PTPRN2: variants seen among roughly 807,000 people sequenced by gnomAD.
PTPRN2 encodes protein tyrosine phosphatase receptor type N2, also known as receptor-type tyrosine-protein phosphatase N2.
PTPRN2 carries 74 observed loss-of-function variants against 118.8 expected under a neutral mutation model. That is an observed-to-expected ratio of 0.62 (90% CI 0.52 to 0.76). The LOEUF (loss-of-function observed/expected upper bound fraction) is 0.76. PTPRN2 is among the 30% of genes least tolerant of loss of function. The pLI, the probability that PTPRN2 is intolerant of heterozygous loss-of-function variation, is 0.00. For missense variants in PTPRN2, 1,481 were observed against 1,394.4 expected, an observed-to-expected ratio of 1.06 and a Z score of -0.99; for synonymous variants, 641 against 608.0, an observed-to-expected ratio of 1.05 and a Z score of -0.80.
chr7:158,544,481 C>CA lies in PTPRN2; in HGVS notation c.112+43076dup, dbSNP rs965221775. On this transcript the variant is annotated intron_variant, in intron 1 of 22. Coordinates refer to ENST00000389418, the MANE Select transcript of PTPRN2 (RefSeq NM_002847.5). This position sits in a 1 kb window ranked among gnomAD's most constrained non-coding sequence, Gnocchi z 4.2. ...TGAAACCCTGTCTCTAATAAAAATA[C>CA]AAAAAAATTAGCCTGGTGTGGTGGC... 6.6e-6 allele frequency among the ~76,000 whole-genome samples: 1 copy of CA among 151,844 alleles called. No individual in the cohort carries two copies. Among genetic ancestry groups the CA allele is most frequent in the Admixed American group, 6.6e-5 (1 of 15,238 alleles).
intron 11 of PTPRN2, among the ~76,000 whole-genome samples, chr7:158,019,426 A>G (rs1806699465): frequency 6.6e-6 from 1 of 152,258 alleles, no homozygotes; most frequent in Non-Finnish European, 1.5e-5. Flanking sequence ...GGGTGGCTAC[A>G]AGGACGTGAG....
At chr7:158,527,687 G>A (rs889927363) in intron 1 of PTPRN2, among the ~76,000 whole-genome samples, 2 of 152,052 alleles carry the variant, frequency 1.3e-5, no homozygotes, top group East Asian at 1.9e-4. Context: ...TCCACTCTGT[G>A]GGGGGGTCTC....
chr7:158,155,006 C>T (rs1194715763), intron 6 of PTPRN2, among the ~76,000 whole-genome samples: 1 of 152,184 alleles, frequency 6.6e-6, no homozygotes, highest in Non-Finnish European at 1.5e-5. Context: ...GCACAGATAA[C>T]AAGAATATCA....
At chr7:157,607,550 A>C (rs1802079859) in intron 15 of PTPRN2, among the ~76,000 whole-genome samples, 1 of 152,230 alleles carries the variant, frequency 6.6e-6, no homozygotes, top group African/African-American at 2.4e-5. Context: ...CAGGCTTTTG[A>C]CCTGGCTTGG....
intron 9 of PTPRN2, among the ~76,000 whole-genome samples, chr7:158,132,717 C>G (rs1289710163): frequency 1.3e-5 from 2 of 151,676 alleles, no homozygotes; most frequent in East Asian, 3.9e-4. Context: ...TATACATACG[C>G]ACAGATACAC....
Position 157,712,760 on chromosome 7 carries a change from A to T in PTPRN2, c.1789-29823T>A, listed in dbSNP as rs878951118. Among the ~76,000 whole-genome samples the T allele has an allele frequency of 4.2e-4, 63 of 149,656 alleles. No homozygotes were observed. In the South Asian group the frequency reaches 0.013, roughly 30 times the overall value. ...GAGTGAAACTCCATCTCAAAAAAAA[A>T]AAAAAAAAAAAAAAGGGAAATTCAG... is the stretch of plus-strand genomic sequence containing the variant. On this transcript the variant is annotated intron_variant, in intron 12 of 22. Transcript: ENST00000389418.
chr7:157,673,378 GT>G (rs1289519893), intron 13 of PTPRN2, among the ~76,000 whole-genome samples: 1 of 152,168 alleles, frequency 6.6e-6, no homozygotes, highest in African/African-American at 2.4e-5. Context: ...CCACGGAGAC[GT>G]TACATTTTGA....
At chr7:157,737,618 G>A (rs1264931210) in intron 12 of PTPRN2, among the ~76,000 whole-genome samples, 1 of 152,240 alleles carries the variant, frequency 6.6e-6, no homozygotes, top group South Asian at 2.1e-4. Flanking sequence ...TCGTACTCAC[G>A]GTCCTGAGTT....
At chr7:158,344,369 C>T (rs1205355759) in intron 2 of PTPRN2, among the ~76,000 whole-genome samples, 1 of 152,132 alleles carries the variant, frequency 6.6e-6, no homozygotes, top group East Asian at 1.9e-4. Flanking sequence ...AGCATTGGCC[C>T]CAGTCGCAGG....
intron 21 of PTPRN2, among the ~76,000 whole-genome samples, chr7:157,555,291 TAAA>T (rs1297062063): frequency 3.9e-5 from 6 of 152,212 alleles, no homozygotes; most frequent in African/African-American, 1.2e-4. Flanking sequence ...TAGCTTTAGA[TAAA>T]AAATGTTAAC....
intron 13 of PTPRN2, among the ~76,000 whole-genome samples, chr7:157,675,574 G>A (rs532680967): frequency 9.2e-5 from 14 of 152,270 alleles, no homozygotes; most frequent in South Asian, 6.2e-4. Flanking sequence ...AATGTGTCCC[G>A]CCTCTCTAAT....
chr7:157,556,513 C>A (rs1182339044), intron 21 of PTPRN2, among the ~76,000 whole-genome samples: 1 of 151,380 alleles, frequency 6.6e-6, no homozygotes, highest in Non-Finnish European at 1.5e-5. Flanking sequence ...CACACACAGG[C>A]ATGCACACAC....
rs764909177 is a variant in PTPRN2 at position 158,269,731 on chromosome 7, CAGAG to C, written c.277+47084_277+47087del. Reference sequence around the variant, plus strand: ...GACGGCTGGGACCAAGAGACAGAAACAGAGAGACAGAGACAGAGAGAGACAGAGA... The same window carrying C: ...GACGGCTGGGACCAAGAGACAGAAACAGACAGAGACAGAGAGAGACAGAGA... On this transcript the variant is annotated intron_variant, in intron 3 of 22. Coordinates refer to ENST00000389418, the MANE Select transcript of PTPRN2 (RefSeq NM_002847.5). Among the ~76,000 whole-genome samples the C allele has an allele frequency of 1.7e-3, 265 of 151,730 alleles. 1 individual carries two copies. Among genetic ancestry groups the C allele is most frequent in the African/African-American group, 6.0e-3 (249 of 41,302 alleles).
At chr7:157,745,703 A>T (rs1368402186) in intron 12 of PTPRN2, among the ~76,000 whole-genome samples, 2 of 152,152 alleles carry the variant, frequency 1.3e-5, no homozygotes, top group South Asian at 4.1e-4. Context: ...AGGCTCCAGA[A>T]CCGTGTGGAT....
intron 11 of PTPRN2, among the ~76,000 whole-genome samples, chr7:158,012,541 G>A (rs1237831700): frequency 6.6e-6 from 1 of 152,238 alleles, no homozygotes; most frequent in African/African-American, 2.4e-5. Flanking sequence ...GGCATGGGCA[G>A]TGGCCCTGGA....
intron 11 of PTPRN2, among the ~76,000 whole-genome samples, chr7:158,073,338 T>C (rs982967527): frequency 1.3e-5 from 2 of 152,200 alleles, no homozygotes; most frequent in African/African-American, 4.8e-5. Context: ...GGTGGGCACC[T>C]GTGTGCTGGC....
chr7:157,742,484 G>GT (rs764502341), intron 12 of PTPRN2, among the ~76,000 whole-genome samples: 5,714 of 139,882 alleles, frequency 0.041, 208 homozygotes, highest in East Asian at 0.16. Flanking sequence ...GCTGACTTCT[G>GT]TTTTTTTTTT....
At chr7:158,037,071 C>T (rs1349174472) in intron 11 of PTPRN2, among the ~76,000 whole-genome samples, 1 of 152,134 alleles carries the variant, frequency 6.6e-6, no homozygotes, top group Non-Finnish European at 1.5e-5. Flanking sequence ...AACCAATGTG[C>T]CTATATGCCA....
intron 17 of PTPRN2, among the ~76,000 whole-genome samples, chr7:157,579,588 G>A (rs1800237536): frequency 6.6e-6 from 1 of 152,200 alleles, no homozygotes; most frequent in Non-Finnish European, 1.5e-5. Context: ...TGCCACCCAA[G>A]TGTGACATTA....
Sources: allele counts gnomAD v4.1 joint callset (sites outside exome capture counted in the v4.1 genomes callset), GRCh38; gene constraint gnomAD v4.1.1; non-coding constraint Gnocchi (gnomAD v3.1); transcripts MANE v1.5; gene names NCBI Gene and HGNC (gene_info 2026-07-23, HGNC 2026-07-21).